LUC7L2: variants seen among roughly 807,000 people sequenced by gnomAD.
LUC7L2 encodes putative RNA-binding protein Luc7-like 2.
Under a neutral mutation model 52.8 loss-of-function variants are expected in LUC7L2, and 25 were observed. The observed-to-expected ratio is 0.47, with a 90% CI of 0.34 to 0.66. The LOEUF is 0.66. Ranked by LOEUF, LUC7L2 falls within the 30% of genes least tolerant of loss-of-function variation. The probability of loss-of-function intolerance (pLI) is 0.01; values close to 1 mark genes in which losing one functional copy is unlikely to be tolerated. For missense variants in LUC7L2, 328 were observed against 497.8 expected, an observed-to-expected ratio of 0.66 and a Z score of 3.25; for synonymous variants, 144 against 160.9, an observed-to-expected ratio of 0.89 and a Z score of 0.80.
At position 139,368,253 on chromosome 7, in the gene LUC7L2, C is replaced by G. The variant is rs367579454; in HGVS notation, c.62-7809C>G. ...TAGAGATTATAGACATAATTTGCTT[C>G]TGTCATCTTTTGACCAAAAATCTAA... On this transcript the variant is annotated intron_variant, in intron 1 of 9. Coordinates refer to ENST00000354926, the MANE Select transcript of LUC7L2 (RefSeq NM_016019.5). Among the ~76,000 whole-genome samples, 27 of 152,220 alleles carry G rather than the reference C, an allele frequency of 1.8e-4. No individual in the cohort carries two copies. In the South Asian group the frequency reaches 4.6e-3, roughly 26 times the overall value.
At chr7:139,359,370 G>A (rs538161208), upstream of LUC7L2, 10 of 158,174 alleles carry the variant, frequency 6.3e-5, no homozygotes, top group East Asian at 5.6e-4. Context: ...CCCAGCCGAG[G>A]AGCCTTAAAG....
intron 8 of LUC7L2, 84 bp downstream of exon 8, chr7:139,412,664 T>G: frequency 6.6e-7 from 1 of 1,504,840 alleles, no homozygotes; most frequent in Non-Finnish European, 8.9e-7. Context: ...AATGGTCCTT[T>G]AAAAATTTTC....
chr7:139,417,961 G>T (rs753554614), intron 9 of LUC7L2, among the ~76,000 whole-genome samples: 4 of 152,146 alleles, frequency 2.6e-5, no homozygotes, highest in Non-Finnish European at 5.9e-5. Context: ...ATGTGTAGAG[G>T]TTATTGCTTT....
chr7:139,385,995 C>A (rs1462879436), intron 2 of LUC7L2, among the ~76,000 whole-genome samples: 2 of 152,066 alleles, frequency 1.3e-5, no homozygotes, highest in African/African-American at 4.8e-5. Context: ...GAAATGAAAA[C>A]TTGAAAACAA....
At chr7:139,384,845 T>C (rs760206067) in intron 2 of LUC7L2, among the ~76,000 whole-genome samples, 2 of 152,158 alleles carry the variant, frequency 1.3e-5, no homozygotes, top group Non-Finnish European at 2.9e-5. Flanking sequence ...AGCCTTGAAC[T>C]CCTGGGCTCA....
At position 139,417,729 on chromosome 7, in the gene LUC7L2, G is replaced by A; in HGVS notation, c.1001G>A (p.Arg334Lys). Residue 334 changes from arginine to lysine, a missense_variant and splice_region_variant, in exon 9 of 10, where the codon AGA (arginine) becomes AAA (lysine). Arg to Lys is a conservative substitution (Grantham distance 26). Around this residue, in one of 2 missense-constraint regions of LUC7L2, gnomAD observed 195 missense variants for 223.3 expected, o/e 0.87. Transcript: ENST00000354926. ...AGGAGCAGAGAACGATCCAAGAGGA[G>A]GTATTGATGTGTCAATCAGAGGATA... ...RDRSRERSKR[R>K]SSKERFRDQD... 1 of 1,612,762 alleles carries A rather than the reference G, an allele frequency of 6.2e-7. No homozygotes were observed. The highest frequency in any genetic ancestry group is 8.5e-7 in the Non-Finnish European group (1 of 1,178,956).
intron 1 of LUC7L2, chr7:139,375,290 T>C: frequency 1.0e-6 from 1 of 985,344 alleles, no homozygotes; most frequent in Non-Finnish European, 1.2e-6. Context: ...GAGGTAGGTG[T>C]ATTGTGTTAT....
At chr7:139,398,809 A>G in intron 3 of LUC7L2, 112 bp downstream of exon 3, 3 of 913,802 alleles carry the variant, frequency 3.3e-6, no homozygotes, top group Non-Finnish European at 4.7e-6. Context: ...CTCTGGTTAT[A>G]TGAAGGGTAA....
intron 1 of LUC7L2, chr7:139,371,544 G>A: frequency 8.0e-7 from 1 of 1,247,524 alleles, no homozygotes; most frequent in Non-Finnish European, 1.1e-6. Context: ...ATGGGAGGGA[G>A]AGGGTGGGTA....
intron 2 of LUC7L2, 118 bp downstream of exon 2, chr7:139,376,274 A>C: frequency 9.8e-7 from 1 of 1,018,330 alleles, no homozygotes; most frequent in Non-Finnish European, 1.4e-6. Context: ...TGCATCCTTT[A>C]TTGTTTGTTT....
Position 139,391,554 on chromosome 7 carries a change from C to A in LUC7L2, c.157-7045C>A, listed in dbSNP as rs185697601. On this transcript the variant is annotated intron_variant, in intron 2 of 9. Transcript: ENST00000354926. ...GATTTTAATGTATAGTTTTCACATG[C>A]CTCTCAATTTTTTTTCTCTAAAATT... 3.8e-3 allele frequency among the ~76,000 whole-genome samples: 579 copies of A among 152,148 alleles called. 3 individuals carry two copies. The highest frequency in any genetic ancestry group is 6.3e-3 in the Non-Finnish European group (429 of 68,002).
chr7:139,355,417 A>AT (rs1351372161), upstream of LUC7L2, among the ~76,000 whole-genome samples: 1 of 152,120 alleles, frequency 6.6e-6, no homozygotes, highest in Non-Finnish European at 1.5e-5. Flanking sequence ...AAGACTTCAT[A>AT]TGTGAGAACC....
intron 1 of LUC7L2, among the ~76,000 whole-genome samples, chr7:139,366,462 G>T (rs917330010): frequency 2.0e-5 from 3 of 150,634 alleles, no homozygotes; most frequent in Non-Finnish European, 4.4e-5. Context: ...TTAAATGGTA[G>T]ACTTTTCTCT....
chr7:139,366,320 T>C (rs1030019367), intron 1 of LUC7L2, among the ~76,000 whole-genome samples: 2 of 152,164 alleles, frequency 1.3e-5, no homozygotes, highest in African/African-American at 2.4e-5. Flanking sequence ...TGGTAAATGG[T>C]TTTTGTTTTT....
chr7:139,379,365 C>T (rs867056384), intron 2 of LUC7L2, among the ~76,000 whole-genome samples: 5 of 125,886 alleles, frequency 4.0e-5, no homozygotes, highest in South Asian at 2.3e-4. Context: ...AAATGCATTT[C>T]CTGCCTTTTT....
chr7:139,386,846 A>G (rs1188631451), intron 2 of LUC7L2, among the ~76,000 whole-genome samples: 1 of 151,482 alleles, frequency 6.6e-6, no homozygotes, highest in Non-Finnish European at 1.5e-5. Flanking sequence ...AAAGGATTAG[A>G]GCTTTTTTTT....
intron 2 of LUC7L2, among the ~76,000 whole-genome samples, chr7:139,382,570 A>T (rs1243244957): frequency 1.3e-5 from 2 of 151,810 alleles, no homozygotes; most frequent in African/African-American, 4.8e-5. Context: ...TTTTGTAGAG[A>T]CGAAGTTTCA....
At chr7:139,395,211 T>G (rs1397305811) in intron 2 of LUC7L2, among the ~76,000 whole-genome samples, 2 of 152,236 alleles carry the variant, frequency 1.3e-5, no homozygotes, top group Non-Finnish European at 2.9e-5. Flanking sequence ...CTGCCTGGCA[T>G]ATCAAAGACA....
At chr7:139,404,908 A>G (rs1377555011) in intron 4 of LUC7L2, among the ~76,000 whole-genome samples, 4 of 152,274 alleles carry the variant, frequency 2.6e-5, no homozygotes, top group East Asian at 1.9e-4. Flanking sequence ...TGGTTTAGCA[A>G]TAAGTCAGAT....
Sources: gnomAD v4.1 joint callset for allele counts (sites outside exome capture counted in the v4.1 genomes callset) on GRCh38, gnomAD v4.1.1 for gene constraint, gnomAD v4.1.1 regional missense constraint, MANE v1.5 for transcripts, NCBI Gene and HGNC (gene_info 2026-07-23, HGNC 2026-07-21) for gene names.